Variants in QSER1 observed in about 807,000 individuals in gnomAD.
QSER1 encodes glutamine and serine rich 1, also known as glutamine and serine-rich protein 1.
QSER1 carries 49 observed loss-of-function variants against 158.5 expected under a neutral mutation model. The observed-to-expected ratio is 0.31, with a 90% CI of 0.25 to 0.39. The LOEUF (loss-of-function observed/expected upper bound fraction) is 0.39. Among genes scored for constraint, QSER1 ranks in the 10% least tolerant of loss-of-function variants. QSER1 has a pLI of 1.00. For missense variants in QSER1, 1,754 were observed against 2,010.3 expected (o/e 0.87, Z 2.44); for synonymous variants, 650 against 715.5 (o/e 0.91, Z 1.46).
At chr11:32,895,490 TTG>T (rs1241007111) in intron 1 of QSER1, among the ~76,000 whole-genome samples, 1 of 152,230 alleles carries the variant, frequency 6.6e-6, no homozygotes, top group Non-Finnish European at 1.5e-5. Context: ...GAAATATGCC[TTG>T]TAAGTCTAAA....
Position 32,973,559 on chromosome 11 carries a change from A to G in QSER1, c.5358+10A>G, listed in dbSNP as rs1410200839. The G allele has an allele frequency of 6.3e-7, 1 of 1,589,742 alleles. No homozygotes were observed. Among genetic ancestry groups the G allele is most frequent in the Non-Finnish European group, 8.5e-7 (1 of 1,170,366 alleles). The stretch of plus-strand genomic sequence containing the variant: ...CACCAAATCTGCACAAGTAAGTGTA[A>G]TTGATTATTAATGTAACTATACCTT... On this transcript the variant is annotated intron_variant, in intron 11 of 12. Transcript: ENST00000650167.
chr11:32,964,071 C>T lies in QSER1; in HGVS notation c.4970-2229C>T, dbSNP rs571090091. Among the ~76,000 whole-genome samples, 4 of 152,268 alleles carry T rather than the reference C, an allele frequency of 2.6e-5. No homozygotes were observed. In the East Asian group the frequency reaches 7.7e-4, roughly 29 times the overall value. On this transcript the variant is annotated intron_variant, in intron 8 of 12. Transcript: ENST00000650167. ...CACTGCAGCCTTGAACTCCTGGGCT[C>T]AAACAGTCCTCCTACTTCAGGCCCC...
chr11:32,965,889 C>A (rs1180419758), intron 8 of QSER1, among the ~76,000 whole-genome samples: 1 of 149,656 alleles, frequency 6.7e-6, no homozygotes, highest in Non-Finnish European at 1.5e-5. Flanking sequence ...TGCAGTGAGC[C>A]AAGATGGCGC....
intron 8 of QSER1, among the ~76,000 whole-genome samples, chr11:32,962,109 G>A (rs1186322076): frequency 6.6e-6 from 1 of 152,180 alleles, no homozygotes; most frequent in Admixed American, 6.5e-5. Flanking sequence ...AGGAAAGCAT[G>A]ACGGTTCCAA....
At chr11:32,976,228 A>T in intron 12 of QSER1, 106 bp from the exon 13 acceptor site, 1 of 988,754 alleles carries the variant, frequency 1.0e-6, no homozygotes, top group Non-Finnish European at 1.4e-6. Flanking sequence ...TGAAATAATC[A>T]TTCTCCATGG....
intron 1 of QSER1, among the ~76,000 whole-genome samples, chr11:32,904,443 G>A (rs188055773): frequency 4.6e-5 from 7 of 151,948 alleles, no homozygotes; most frequent in Non-Finnish European, 8.8e-5. Context: ...ACCCACCTTG[G>A]CCTCTCAAAG....
chr11:32,966,502 T>G, intron 9 of QSER1, 65 bp downstream of exon 9: 1 of 1,420,800 alleles, frequency 7.0e-7, no homozygotes, highest in Non-Finnish European at 9.7e-7. Flanking sequence ...AAATCTTGTC[T>G]GTTAGTTATA....
chr11:32,906,528 A>G (rs1044391601), intron 1 of QSER1, among the ~76,000 whole-genome samples: 2 of 151,964 alleles, frequency 1.3e-5, no homozygotes, highest in African/African-American at 4.8e-5. Context: ...CCTCCCAGGT[A>G]GCTAGGACTA....
intron 1 of QSER1, among the ~76,000 whole-genome samples, chr11:32,900,491 G>A (rs752317888): frequency 2.0e-5 from 3 of 151,136 alleles, no homozygotes; most frequent in African/African-American, 4.9e-5. Flanking sequence ...CTCAGGAGGC[G>A]GAGACTGCAG....
intron 8 of QSER1, among the ~76,000 whole-genome samples, chr11:32,964,283 T>A (rs1343425794): frequency 6.6e-6 from 1 of 152,172 alleles, no homozygotes. Flanking sequence ...CCCCTAGGAC[T>A]ATTCCTAAGT....
intron 1 of QSER1, among the ~76,000 whole-genome samples, chr11:32,902,771 G>A (rs1040951185): frequency 6.6e-6 from 1 of 152,168 alleles, no homozygotes; most frequent in Non-Finnish European, 1.5e-5. Context: ...TGCCTACTAT[G>A]TGCTGAGCAC....
chr11:32,916,761 T>G (rs544537256), intron 1 of QSER1, among the ~76,000 whole-genome samples: 90 of 147,720 alleles, frequency 6.1e-4, no homozygotes, highest in African/African-American at 2.1e-3. Context: ...ATTGAAACAT[T>G]GTTATGTTGG....
chr11:32,952,153 AT>A (rs1354579180), intron 4 of QSER1, among the ~76,000 whole-genome samples: 1 of 152,100 alleles, frequency 6.6e-6, no homozygotes, highest in Non-Finnish European at 1.5e-5. Context: ...GGGATTTTCT[AT>A]ATACAAGATC....
At chr11:32,943,073 A>G (rs1002453659) in intron 4 of QSER1, among the ~76,000 whole-genome samples, 2 of 150,792 alleles carry the variant, frequency 1.3e-5, no homozygotes, top group African/African-American at 2.4e-5. Context: ...TGATTTTTGC[A>G]CATTGATTTT....
intron 6 of QSER1, 136 bp downstream of exon 6, chr11:32,955,548 C>T: frequency 5.6e-6 from 3 of 534,010 alleles, no homozygotes; most frequent in Non-Finnish European, 9.9e-6. Flanking sequence ...AATATTGATG[C>T]TCTTTGATAG....
At chr11:32,906,104 GTTTT>G (rs374193235) in intron 1 of QSER1, among the ~76,000 whole-genome samples, 1 of 118,442 alleles carries the variant, frequency 8.4e-6, no homozygotes, top group African/African-American at 3.1e-5. Flanking sequence ...CTATTTTTTA[GTTTT>G]TTTTTTTTTT....
chr11:32,972,488 T>G (rs952071941), intron 10 of QSER1, among the ~76,000 whole-genome samples: 1 of 151,796 alleles, frequency 6.6e-6, no homozygotes, highest in Non-Finnish European at 1.5e-5. Flanking sequence ...CAGACTGGAG[T>G]GCAGTGGCAT....
intron 1 of QSER1, among the ~76,000 whole-genome samples, chr11:32,909,745 A>C (rs578210370): frequency 6.6e-6 from 1 of 151,996 alleles, no homozygotes; most frequent in Admixed American, 6.6e-5. Flanking sequence ...CCTGTCCTAA[A>C]CTCTAGATCC....
At chr11:32,921,186 T>C (rs1014959198) in intron 1 of QSER1, among the ~76,000 whole-genome samples, 1 of 152,212 alleles carries the variant, frequency 6.6e-6, no homozygotes, top group African/African-American at 2.4e-5. Context: ...GGTACTGATA[T>C]ATCCATGTTG....
Sources: gnomAD v4.1 joint callset for allele counts (sites outside exome capture counted in the v4.1 genomes callset) on GRCh38, gnomAD v4.1.1 for gene constraint, MANE v1.5 for transcripts, NCBI Gene and HGNC (gene_info 2026-07-23, HGNC 2026-07-21) for gene names.